ZFC3H1: variants seen among roughly 807,000 people sequenced by gnomAD.
The protein encoded by ZFC3H1 is zinc finger C3H1 domain-containing protein.
In ZFC3H1, 71 loss-of-function variants were observed where a neutral mutation model predicts 243.7. That is an observed-to-expected ratio of 0.29 (90% CI 0.24 to 0.36). The LOEUF is 0.36. ZFC3H1 is among the 10% of genes least tolerant of loss of function. ZFC3H1 has a pLI of 1.00. For missense variants in ZFC3H1, 1,966 were observed against 2,317.1 expected (o/e 0.85, Z 3.11); for synonymous variants, 838 against 813.0 (o/e 1.03, Z -0.52).
intron 24 of ZFC3H1, among the ~76,000 whole-genome samples, chr12:71,621,508 T>C (rs999342064): frequency 1.3e-5 from 2 of 152,114 alleles, no homozygotes; most frequent in Admixed American, 6.5e-5. Context: ...TTCACCACGT[T>C]GGCCAGGCTG....
chr12:71,625,363 G>A (rs1015944226), intron 22 of ZFC3H1, among the ~76,000 whole-genome samples: 2 of 152,134 alleles, frequency 1.3e-5, no homozygotes, highest in Admixed American at 6.5e-5. Context: ...TATTTCTCAA[G>A]TGGATCAATT....
intron 24 of ZFC3H1, among the ~76,000 whole-genome samples, chr12:71,622,957 CACTG>C (rs1417394687): frequency 6.6e-6 from 1 of 151,876 alleles, no homozygotes; most frequent in Non-Finnish European, 1.5e-5. Context: ...CAACCAAACT[CACTG>C]ACTGATGGAG....
At chr12:71,643,837 C>A (rs1880660499) in intron 5 of ZFC3H1, among the ~76,000 whole-genome samples, 2 of 152,182 alleles carry the variant, frequency 1.3e-5, no homozygotes, top group Non-Finnish European at 2.9e-5. Flanking sequence ...AAGTTTTCAC[C>A]ACAATTTAGT....
At chr12:71,637,116 TC>T in intron 7 of ZFC3H1, 57 bp from the exon 8 acceptor site, 2 of 1,407,894 alleles carry the variant, frequency 1.4e-6, no homozygotes, top group South Asian at 1.2e-5. Flanking sequence ...CAAATGCTTC[TC>T]TCTGCAGCAA....
rs905642707 is a variant in ZFC3H1, at chr12:71,662,920, T to A, written c.598+93A>T. ...CACAGGGAGAAATAAGCGGTTCTGA[T>A]GATTCAAAGTTACACTCGTCTCACA... On this transcript the variant is annotated intron_variant, in intron 1 of 34. Coordinates refer to ENST00000378743, the MANE Select transcript of ZFC3H1 (RefSeq NM_144982.5). The A allele has an allele frequency of 2.6e-5, 33 of 1,268,242 alleles. No individual in the cohort carries two copies. In the African/African-American group the frequency reaches 4.6e-4, roughly 18 times the overall value. The allele number at this position is 1,268,242 out of a possible 1,614,324, so 78.6% of individuals were successfully genotyped here. A position where few individuals can be genotyped will look rare whatever the true frequency, so the allele number is the denominator to read the frequency against.
At chr12:71,611,369 AC>A (rs1289322635) in intron 32 of ZFC3H1, 3 of 250,852 alleles carry the variant, frequency 1.2e-5, no homozygotes, top group East Asian at 6.8e-5. Context: ...AACAACAACA[AC>A]AAAAAAAAAA....
rs1880083453 is a variant in ZFC3H1, at chr12:71,623,496, G to A, written c.4608C>T (p.Asn1536=). ...WLAYIHLIEF[N]ILPSKFYDPS... ...GATCATAAAATTTTGAAGGGAGAAT[G>A]TTGAATTCAATAAGATGTATGTAGG... The change falls in exon 24 of 35, where the codon AAC becomes AAT. Residue 1536 remains asparagine (N), a synonymous_variant. Coordinates refer to ENST00000378743, the MANE Select transcript of ZFC3H1 (RefSeq NM_144982.5). The A allele has an allele frequency of 1.9e-6, 3 of 1,613,630 alleles. No homozygotes were observed. The highest frequency in any genetic ancestry group is 2.2e-5 in the East Asian group (1 of 44,788).
chr12:71,658,120 C>T (rs1252845173), intron 1 of ZFC3H1, among the ~76,000 whole-genome samples: 2 of 151,926 alleles, frequency 1.3e-5, no homozygotes, highest in African/African-American at 2.4e-5. Context: ...CACAGTGATA[C>T]ACAAAAGGTA....
At chr12:71,613,973 G>C (rs1879834195) in intron 30 of ZFC3H1, among the ~76,000 whole-genome samples, 1 of 152,054 alleles carries the variant, frequency 6.6e-6, no homozygotes, top group African/African-American at 2.4e-5. Flanking sequence ...CTGAATAAAA[G>C]TGGTGTCTGA....
intron 6 of ZFC3H1, 45 bp from the exon 7 acceptor site, chr12:71,638,560 CAT>C: frequency 7.1e-7 from 1 of 1,414,966 alleles, no homozygotes; most frequent in Non-Finnish European, 9.7e-7. Context: ...AGAAATACTT[CAT>C]CAGGAATATA....
At chr12:71,632,579 A>G in intron 14 of ZFC3H1, 65 bp from the exon 15 acceptor site, 18 of 1,489,598 alleles carry the variant, frequency 1.2e-5, no homozygotes, top group Non-Finnish European at 1.6e-5. Context: ...TTTTGGTAAG[A>G]TAATTGTGCT....
chr12:71,643,805 A>G (rs1880659882), intron 5 of ZFC3H1, among the ~76,000 whole-genome samples: 1 of 152,214 alleles, frequency 6.6e-6, no homozygotes, highest in African/African-American at 2.4e-5. Flanking sequence ...TGTACTTAAG[A>G]CTTAACAGCC....
intron 4 of ZFC3H1, 53 bp from the exon 5 acceptor site, chr12:71,644,371 A>T: frequency 1.3e-6 from 2 of 1,543,534 alleles, no homozygotes; most frequent in Non-Finnish European, 1.7e-6. Flanking sequence ...TAAAAGAAAA[A>T]TAAGAGTCTT....
At chr12:71,637,390 T>C (rs1251500700) in intron 7 of ZFC3H1, among the ~76,000 whole-genome samples, 1 of 152,190 alleles carries the variant, frequency 6.6e-6, no homozygotes, top group African/African-American at 2.4e-5. Flanking sequence ...TCCTTCCTTC[T>C]AGATGACTAC....
At chr12:71,626,538 A>G in intron 21 of ZFC3H1, 92 bp from the exon 22 acceptor site, 1 of 1,127,638 alleles carries the variant, frequency 8.9e-7, no homozygotes, top group East Asian at 2.6e-5. Flanking sequence ...TTAAAATTCC[A>G]TTTTCTACTA....
chr12:71,656,515 T>A, intron 2 of ZFC3H1: 1 of 660,112 alleles, frequency 1.5e-6, no homozygotes, highest in Non-Finnish European at 2.7e-6. Context: ...CGCTGAAAAT[T>A]TCAAACCAGG....
chr12:71,630,418 A>G (rs1332625894), intron 18 of ZFC3H1, among the ~76,000 whole-genome samples, 182 bp downstream of exon 18: 1 of 152,236 alleles, frequency 6.6e-6, no homozygotes, highest in Non-Finnish European at 1.5e-5. Context: ...AAATGTGGCT[A>G]GTGTAACAGA....
chr12:71,610,434 A>T lies in ZFC3H1; in HGVS notation c.5964T>A (p.Asn1988Lys). ...NLNSNKTESKNH is the reference protein window; with the variant it reads ...NLNSNKTESKKH ...AACTGACTGCACCCAGTGTTCAGTG[A>T]TTCTTGCTTTCTGTTTTGTTACTGT... is the stretch of plus-strand genomic sequence containing the variant. The change falls in exon 35 of 35, where the codon AAT becomes AAA. Residue 1988 changes from asparagine (N) to lysine (K), a missense_variant. Asn to Lys is a moderately conservative substitution (Grantham distance 94). Around this residue, in one of 4 missense-constraint regions of ZFC3H1, gnomAD observed 1,383 missense variants for 1,723.7 expected, o/e 0.80. Coordinates refer to ENST00000378743, the MANE Select transcript of ZFC3H1 (RefSeq NM_144982.5). 2.5e-6 allele frequency: 4 copies of T among 1,612,970 alleles called. No individual in the cohort carries two copies. Among genetic ancestry groups the T allele is most frequent in the Non-Finnish European group, 2.5e-6 (3 of 1,179,332 alleles).
intron 2 of ZFC3H1, among the ~76,000 whole-genome samples, chr12:71,652,192 T>TTA (rs142477073): frequency 6.6e-6 from 1 of 152,112 alleles, no homozygotes; most frequent in African/African-American, 2.4e-5. Flanking sequence ...GTAGAAACAT[T>TTA]TATATATATA....
Sources: allele counts gnomAD v4.1 joint callset (sites outside exome capture counted in the v4.1 genomes callset), GRCh38; gene constraint gnomAD v4.1.1; regional missense constraint gnomAD v4.1.1; transcripts MANE v1.5; gene names NCBI Gene and HGNC (gene_info 2026-07-23, HGNC 2026-07-21).